FRMD6: variants seen among roughly 807,000 people sequenced by gnomAD.
FRMD6 encodes the protein FERM domain-containing protein 6.
In FRMD6, 37 loss-of-function variants were observed where a neutral mutation model predicts 73.2. That is an observed-to-expected ratio of 0.51 (90% CI 0.39 to 0.66). FRMD6 has a LOEUF of 0.66. FRMD6 is among the 30% of genes least tolerant of loss of function. The pLI is 0.00. For synonymous variants in FRMD6, 273 were observed against 282.2 expected, an observed-to-expected ratio of 0.97 and a Z score of 0.33; for missense variants, 714 against 780.5, an observed-to-expected ratio of 0.91 and a Z score of 1.02.
intron 1 of FRMD6, among the ~76,000 whole-genome samples, chr14:51,663,046 G>A (rs996969159): frequency 6.6e-6 from 1 of 152,070 alleles, no homozygotes; most frequent in Non-Finnish European, 1.5e-5. Context: ...ACTGGAGAAA[G>A]CAAATCAAAA....
chr14:51,609,849 A>G (rs1890416750), intron 2 of FRMD6, among the ~76,000 whole-genome samples: 1 of 152,200 alleles, frequency 6.6e-6, no homozygotes, highest in South Asian at 2.1e-4. Flanking sequence ...GATGAAAATT[A>G]TGGATCTTCT....
chr14:51,543,994 G>A (rs1466919867), intron 1 of FRMD6, among the ~76,000 whole-genome samples: 1 of 151,834 alleles, frequency 6.6e-6, no homozygotes, highest in East Asian at 1.9e-4. Context: ...ACTCTTATTG[G>A]GGAAAGTTTC....
the FRMD6 span, among the ~76,000 whole-genome samples, chr14:51,483,598 A>G: frequency 6.6e-6 from 1 of 152,170 alleles, no homozygotes; most frequent in African/African-American, 2.4e-5. Flanking sequence ...GAGAATTTGG[A>G]GAGTATGGTG....
chr14:51,458,533 T>C, the FRMD6 span, among the ~76,000 whole-genome samples: 3 of 152,256 alleles, frequency 2.0e-5, no homozygotes. Context: ...CTAAATTCAG[T>C]GAATTCCTCA....
intron 1 of FRMD6, among the ~76,000 whole-genome samples, chr14:51,656,615 T>C (rs998378801): frequency 2.6e-5 from 4 of 152,140 alleles, no homozygotes; most frequent in South Asian, 2.1e-4. Flanking sequence ...GGTTTCACCA[T>C]GTTGGCCAGG....
intron 1 of FRMD6, among the ~76,000 whole-genome samples, chr14:51,491,923 C>T (rs943675978): frequency 6.6e-6 from 1 of 152,340 alleles, no homozygotes; most frequent in East Asian, 1.9e-4. Flanking sequence ...AGGACTTCCT[C>T]TGCTGCCTGT....
At chr14:51,644,700 T>A (rs1030153227) in intron 2 of FRMD6, among the ~76,000 whole-genome samples, 3 of 152,160 alleles carry the variant, frequency 2.0e-5, no homozygotes, top group African/African-American at 7.2e-5. Context: ...ATCCTTTAAA[T>A]TGGGGTATAA....
chr14:51,558,465 C>CAA (rs1355547934), intron 1 of FRMD6, among the ~76,000 whole-genome samples: 1 of 124,008 alleles, frequency 8.1e-6, no homozygotes, highest in East Asian at 2.3e-4. Flanking sequence ...AAGACTGTCT[C>CAA]AAAAAAAAAA....
chr14:51,466,671 A>G, the FRMD6 span, among the ~76,000 whole-genome samples: 1 of 152,210 alleles, frequency 6.6e-6, no homozygotes, highest in African/African-American at 2.4e-5. Context: ...ATTTTAAAAG[A>G]AAGCTAAGTA....
chr14:51,664,364 C>A (rs543225935), intron 1 of FRMD6, among the ~76,000 whole-genome samples: 1 of 152,200 alleles, frequency 6.6e-6, no homozygotes, highest in Non-Finnish European at 1.5e-5. Flanking sequence ...CAAGAATTTT[C>A]TCTTCTGGGA....
intron 2 of FRMD6, among the ~76,000 whole-genome samples, chr14:51,574,712 G>A (rs1296101156): frequency 6.6e-6 from 1 of 152,002 alleles, no homozygotes; most frequent in Non-Finnish European, 1.5e-5. Context: ...ATGGTTAATG[G>A]GTACAAAAAT....
intron 1 of FRMD6, among the ~76,000 whole-genome samples, chr14:51,548,955 A>G (rs2139419953): frequency 6.6e-6 from 1 of 152,338 alleles, no homozygotes; most frequent in East Asian, 1.9e-4. Context: ...ATTCTTATCA[A>G]CATTTGAGAA....
chr14:51,443,542 A>C, the FRMD6 span, among the ~76,000 whole-genome samples: 1 of 152,196 alleles, frequency 6.6e-6, no homozygotes, highest in East Asian at 1.9e-4. Flanking sequence ...ATGAAACCAA[A>C]GGCTGCATCT....
intron 1 of FRMD6, among the ~76,000 whole-genome samples, chr14:51,518,045 T>C (rs1024279373): frequency 6.6e-6 from 1 of 152,224 alleles, no homozygotes; most frequent in African/African-American, 2.4e-5. Context: ...AGAAAAAAAT[T>C]ATCTTAGCAT....
intron 1 of FRMD6, among the ~76,000 whole-genome samples, chr14:51,545,407 C>T (rs1052023256): frequency 6.6e-6 from 1 of 152,084 alleles, no homozygotes; most frequent in African/African-American, 2.4e-5. Flanking sequence ...CATGATCTGT[C>T]TTCCGATTTA....
chr14:51,513,499 A>C (rs554892969), intron 1 of FRMD6, among the ~76,000 whole-genome samples: 1 of 152,298 alleles, frequency 6.6e-6, no homozygotes, highest in Admixed American at 6.5e-5. Flanking sequence ...CTTTCTTCAC[A>C]GTGGTTATTT....
At chr14:51,620,996 G>C (rs1439103819) in intron 2 of FRMD6, among the ~76,000 whole-genome samples, 1 of 152,202 alleles carries the variant, frequency 6.6e-6, no homozygotes, top group Non-Finnish European at 1.5e-5. Flanking sequence ...AGAGTTTGCT[G>C]ATAGAATCAA....
chr14:51,460,421 A>G, the FRMD6 span, among the ~76,000 whole-genome samples: 3 of 152,180 alleles, frequency 2.0e-5, no homozygotes, highest in Admixed American at 2.0e-4. Flanking sequence ...ATTAACACTT[A>G]TGTGCATGCA....
chr14:51,538,201 C>G (rs529886196), intron 1 of FRMD6, among the ~76,000 whole-genome samples: 37 of 152,140 alleles, frequency 2.4e-4, no homozygotes, highest in African/African-American at 8.7e-4. Context: ...AAGTCTGTGT[C>G]TAGATTCATA....
Sources: gnomAD v4.1 joint callset for allele counts (sites outside exome capture counted in the v4.1 genomes callset) on GRCh38, gnomAD v4.1.1 for gene constraint, MANE v1.5 for transcripts, NCBI Gene and HGNC (gene_info 2026-07-23, HGNC 2026-07-21) for gene names.